PCDHGA1: variants seen among roughly 807,000 people sequenced by gnomAD.
PCDHGA1 encodes the protein protocadherin gamma-A1.
Under a neutral mutation model 58.0 loss-of-function variants are expected in PCDHGA1, and 32 were observed. The observed-to-expected ratio is 0.55, with a 90% CI of 0.42 to 0.74. The LOEUF (loss-of-function observed/expected upper bound fraction) is 0.74, where lower values mean the gene tolerates loss of function less well. Among genes scored for constraint, PCDHGA1 ranks in the 30% least tolerant of loss-of-function variants. The pLI is 0.00. For synonymous variants in PCDHGA1, 498 were observed against 501.1 expected (o/e 0.99, Z 0.08); for missense variants, 1,205 against 1,182.3 (o/e 1.02, Z -0.28).
intron 1 of PCDHGA1, among the ~76,000 whole-genome samples, chr5:141,464,549 C>T (rs2099086404): frequency 6.6e-6 from 1 of 152,014 alleles, no homozygotes; most frequent in Non-Finnish European, 1.5e-5. Flanking sequence ...TAGCTATTCC[C>T]CATCTTGCAT....
intron 1 of PCDHGA1, among the ~76,000 whole-genome samples, chr5:141,483,767 T>C (rs2099586826): frequency 6.6e-6 from 1 of 151,840 alleles, no homozygotes; most frequent in Non-Finnish European, 1.5e-5. Flanking sequence ...CTTGGAAAAA[T>C]ATTGGGGAAG....
At chr5:141,393,525 A>G in intron 1 of PCDHGA1, 1 of 1,613,922 alleles carries the variant, frequency 6.2e-7, no homozygotes, top group Non-Finnish European at 8.5e-7. Context: ...TACAAATGAC[A>G]ATGCCCCGGT....
intron 3 of PCDHGA1, chr5:141,507,089 C>T (rs564539147): frequency 2.0e-5 from 3 of 152,298 alleles, no homozygotes; most frequent in Admixed American, 1.3e-4. Context: ...TAAGTTTATG[C>T]TCTTTCTACT....
At chr5:141,368,172 A>G (rs1160663847) in intron 1 of PCDHGA1, among the ~76,000 whole-genome samples, 2 of 152,230 alleles carry the variant, frequency 1.3e-5, no homozygotes, top group African/African-American at 4.8e-5. Context: ...TCAGCTTCAA[A>G]TAATGACTAA....
intron 1 of PCDHGA1, chr5:141,394,162 C>T: frequency 6.2e-7 from 1 of 1,613,904 alleles, no homozygotes; most frequent in Non-Finnish European, 8.5e-7. Context: ...GACAACCCTC[C>T]TACTTTCCCT....
At chr5:141,440,983 G>A (rs2154559140) in intron 1 of PCDHGA1, 1 of 152,314 alleles carries the variant, frequency 6.6e-6, no homozygotes, top group South Asian at 2.1e-4. Flanking sequence ...TCACAACCCA[G>A]AGTACCCATA....
chr5:141,345,667 A>G (rs1038904862), intron 1 of PCDHGA1: 24 of 1,614,210 alleles, frequency 1.5e-5, no homozygotes, highest in East Asian at 2.2e-5. Context: ...CTCAGCAGCA[A>G]CGTGTCGCTG....
intron 1 of PCDHGA1, chr5:141,478,935 A>G: frequency 1.6e-6 from 1 of 638,574 alleles, no homozygotes. Flanking sequence ...GGCAGCTTCT[A>G]GGAATACAAA....
intron 1 of PCDHGA1, among the ~76,000 whole-genome samples, chr5:141,368,504 G>A (rs567370495): frequency 3.0e-4 from 45 of 152,138 alleles, no homozygotes; most frequent in Non-Finnish European, 5.3e-4. Context: ...AGTAGGTGTC[G>A]ACATTATTCA....
intron 1 of PCDHGA1, chr5:141,342,643 T>C (rs1304334787): frequency 6.6e-6 from 1 of 152,244 alleles, no homozygotes; most frequent in African/African-American, 2.4e-5. Context: ...ATAATAGCTT[T>C]ACTTGTAAGT....
chr5:141,449,424 T>C (rs2098638345), intron 1 of PCDHGA1, among the ~76,000 whole-genome samples: 1 of 151,674 alleles, frequency 6.6e-6, no homozygotes, highest in Admixed American at 6.6e-5. Context: ...CTGGCCAACA[T>C]GATAAAACTC....
chr5:141,375,275 G>C, intron 1 of PCDHGA1: 3 of 1,613,902 alleles, frequency 1.9e-6, no homozygotes, highest in Non-Finnish European at 1.7e-6. Context: ...GGAAAAATCA[G>C]TTGGCAATTA....
intron 1 of PCDHGA1, chr5:141,372,037 T>TGC (rs772549612): frequency 5.6e-6 from 9 of 1,613,494 alleles, no homozygotes; most frequent in Middle Eastern, 1.7e-4. Flanking sequence ...AACGTGAGCC[T>TGC]GCGCGTGTTG....
intron 1 of PCDHGA1, among the ~76,000 whole-genome samples, chr5:141,465,276 C>A (rs558169180): frequency 6.6e-6 from 1 of 152,254 alleles, no homozygotes; most frequent in South Asian, 2.1e-4. Context: ...CCATTTAGTT[C>A]ACCCCTAAAG....
rs368585389 is a variant in PCDHGA1, at chr5:141,419,428, G to A, written c.2422-75379G>A. On this transcript the variant is annotated intron_variant, in intron 1 of 3. Coordinates refer to ENST00000517417, the MANE Select transcript of PCDHGA1 (RefSeq NM_018912.3). ...TCGCGCAGCGCGCCTTCGACCACGAGCAGCTGCGCACCTTCGAGCTCACGC... is the reference window on the plus strand; with the variant it reads ...TCGCGCAGCGCGCCTTCGACCACGAACAGCTGCGCACCTTCGAGCTCACGC... 4 of 1,613,192 alleles carry A rather than the reference G, an allele frequency of 2.5e-6. No individual in the cohort carries two copies. In the African/African-American group the frequency reaches 4.0e-5, roughly 16 times the overall value.
chr5:141,345,749 CACT>C, intron 1 of PCDHGA1: 1 of 1,614,232 alleles, frequency 6.2e-7, no homozygotes, highest in South Asian at 1.1e-5. Flanking sequence ...CAGACGGTTC[CACT>C]GGCGTGGAGC....
chr5:141,435,718 G>T (rs2097776232), intron 1 of PCDHGA1, among the ~76,000 whole-genome samples: 1 of 152,150 alleles, frequency 6.6e-6, no homozygotes, highest in African/African-American at 2.4e-5. Context: ...GACACTGAAT[G>T]CTAAAGTGTA....
intron 1 of PCDHGA1, among the ~76,000 whole-genome samples, chr5:141,382,474 A>G (rs1436988724): frequency 6.6e-6 from 1 of 152,244 alleles, no homozygotes; most frequent in East Asian, 1.9e-4. Context: ...AAAATTATCT[A>G]AGATTATCAA....
chr5:141,344,846 G>C (rs1295408805), intron 1 of PCDHGA1: 18 of 1,613,790 alleles, frequency 1.1e-5, no homozygotes, highest in Non-Finnish European at 1.4e-5. Flanking sequence ...ACCCTGACGA[G>C]GGATTCAATG....
Sources: allele counts gnomAD v4.1 joint callset (sites outside exome capture counted in the v4.1 genomes callset), GRCh38; gene constraint gnomAD v4.1.1; transcripts MANE v1.5; gene names NCBI Gene and HGNC (gene_info 2026-07-23, HGNC 2026-07-21).